The following NKAIN3 variants were observed in gnomAD, a reference collection of about 807,000 sequenced individuals.
The protein encoded by NKAIN3 is sodium/potassium-transporting ATPase subunit beta-1-interacting protein 3.
NKAIN3 carries 25 observed loss-of-function variants against 30.2 expected under a neutral mutation model. The ratio of observed to expected loss-of-function variants is 0.83; its 90% CI spans 0.60 to 1.16. The LOEUF (loss-of-function observed/expected upper bound fraction) is 1.16, where lower values mean the gene tolerates loss of function less well. Among genes scored for constraint, NKAIN3 ranks in the 50% most tolerant of loss-of-function variants. NKAIN3 has a pLI of 0.00. For missense variants in NKAIN3, 225 were observed against 254.1 expected (o/e 0.89, Z 0.78); for synonymous variants, 91 against 89.6 (o/e 1.02, Z -0.09).
At chr8:62,415,876 G>C (rs979747626) in intron 1 of NKAIN3, among the ~76,000 whole-genome samples, 1 of 151,926 alleles carries the variant, frequency 6.6e-6, no homozygotes, top group Non-Finnish European at 1.5e-5. Context: ...TCCTGCCTCA[G>C]CCTCCCGAGT....
chr8:62,884,356 T>C (rs1410934590), intron 4 of NKAIN3, among the ~76,000 whole-genome samples: 1 of 152,108 alleles, frequency 6.6e-6, no homozygotes, highest in Non-Finnish European at 1.5e-5. Flanking sequence ...TCTCCCGGGT[T>C]CAAGATATTC....
intron 3 of NKAIN3, among the ~76,000 whole-genome samples, chr8:62,742,595 TAA>T (rs1815939353): frequency 6.6e-6 from 1 of 152,206 alleles, no homozygotes; most frequent in African/African-American, 2.4e-5. Context: ...TTTTTAACTC[TAA>T]AGACAAAAGC....
intron 4 of NKAIN3, among the ~76,000 whole-genome samples, 157 bp from the exon 5 acceptor site, chr8:62,918,296 G>A (rs975786441): frequency 2.6e-4 from 39 of 152,102 alleles, no homozygotes. Flanking sequence ...AAATGAAAAG[G>A]CTCTTTTAAA....
At chr8:62,996,149 G>A (rs1023750874) in intron 5 of NKAIN3, among the ~76,000 whole-genome samples, 1 of 152,170 alleles carries the variant, frequency 6.6e-6, no homozygotes, top group Non-Finnish European at 1.5e-5. Flanking sequence ...ACCTGAAACT[G>A]GGTAATTTAT....
At chr8:62,764,472 G>GT (rs1281876508) in intron 4 of NKAIN3, among the ~76,000 whole-genome samples, 1 of 100,902 alleles carries the variant, frequency 9.9e-6, no homozygotes, top group South Asian at 3.1e-4. Flanking sequence ...ATACAAATAA[G>GT]TATTTTTTTT....
chr8:62,918,879 T>G (rs1483659692), intron 5 of NKAIN3, among the ~76,000 whole-genome samples: 1 of 151,836 alleles, frequency 6.6e-6, no homozygotes, highest in Non-Finnish European at 1.5e-5. Flanking sequence ...GAAGTCTGAG[T>G]AACAGTAATG....
chr8:62,923,411 A>C (rs553444067), intron 5 of NKAIN3, among the ~76,000 whole-genome samples: 19 of 152,318 alleles, frequency 1.2e-4, no homozygotes, highest in Non-Finnish European at 2.2e-4. Context: ...TTACAAAGTC[A>C]TTTTTAAAAC....
intron 1 of NKAIN3, among the ~76,000 whole-genome samples, chr8:62,275,384 C>A (rs1812915028): frequency 6.6e-6 from 1 of 152,086 alleles, no homozygotes; most frequent in Non-Finnish European, 1.5e-5. Context: ...GTTAAATTTC[C>A]TTTTAAGGTA....
At chr8:62,682,629 G>A (rs992724191) in intron 3 of NKAIN3, among the ~76,000 whole-genome samples, 3 of 152,158 alleles carry the variant, frequency 2.0e-5, no homozygotes, top group Admixed American at 6.5e-5. Context: ...TGCTTTTGAG[G>A]TGGAGGGTGG....
chr8:62,281,394 T>A (rs191531379), intron 1 of NKAIN3, among the ~76,000 whole-genome samples: 1 of 152,320 alleles, frequency 6.6e-6, no homozygotes, highest in East Asian at 1.9e-4. Context: ...GCTCTGATCT[T>A]AGTTATTTCT....
In NKAIN3 at chr8:62,388,032, A is replaced by G. The variant is rs185525923; in HGVS notation, c.54+138905A>G. The stretch of plus-strand genomic sequence containing the variant: ...TGGGTAAATTTCACTCATATGCCTT[A>G]CTATGTAATGACATTGTGGAGTGTA... On this transcript the variant is annotated intron_variant, in intron 1 of 6. Coordinates refer to ENST00000623646, the MANE Select transcript of NKAIN3 (RefSeq NM_001304533.3). 1.3e-3 allele frequency among the ~76,000 whole-genome samples: 205 copies of G among 152,322 alleles called. 1 individual carries two copies. The highest frequency in any genetic ancestry group is 4.6e-3 in the African/African-American group (193 of 41,582).
At chr8:62,758,996 T>C (rs947382031) in intron 4 of NKAIN3, among the ~76,000 whole-genome samples, 3 of 152,180 alleles carry the variant, frequency 2.0e-5, no homozygotes, top group South Asian at 4.1e-4. Context: ...AAATGGTTCC[T>C]CAAACCCTAA....
At chr8:62,831,882 A>G (rs1170396824) in intron 4 of NKAIN3, among the ~76,000 whole-genome samples, 1 of 152,182 alleles carries the variant, frequency 6.6e-6, no homozygotes, top group African/African-American at 2.4e-5. Flanking sequence ...GTGAGATGTT[A>G]TACAAAGCAA....
chr8:62,753,894 T>C (rs1348420301), intron 4 of NKAIN3, among the ~76,000 whole-genome samples: 1 of 152,144 alleles, frequency 6.6e-6, no homozygotes, highest in African/African-American at 2.4e-5. Context: ...TAACAATTTA[T>C]AGTACATCAA....
intron 1 of NKAIN3, among the ~76,000 whole-genome samples, chr8:62,346,986 G>A (rs2129591485): frequency 6.6e-6 from 1 of 152,164 alleles, no homozygotes; most frequent in South Asian, 2.1e-4. Context: ...GAGAACTGAG[G>A]ACATTTAGAA....
At chr8:62,832,754 A>G (rs1205024975) in intron 4 of NKAIN3, among the ~76,000 whole-genome samples, 5 of 152,084 alleles carry the variant, frequency 3.3e-5, no homozygotes, top group Non-Finnish European at 7.4e-5. Context: ...AGGGACTTCA[A>G]CACCTCACCA....
At chr8:62,602,322 G>T (rs1277952067) in intron 3 of NKAIN3, among the ~76,000 whole-genome samples, 1 of 152,030 alleles carries the variant, frequency 6.6e-6, no homozygotes, top group South Asian at 2.1e-4. Context: ...ACACTATCCA[G>T]AAATATGTTG....
At chr8:62,369,739 T>A (rs986289382) in intron 1 of NKAIN3, among the ~76,000 whole-genome samples, 3 of 151,896 alleles carry the variant, frequency 2.0e-5, no homozygotes. Context: ...AGGGGGATTA[T>A]TTGAACTCCC....
chr8:62,861,003 C>T lies in NKAIN3; in HGVS notation c.472-57450C>T, dbSNP rs897714137. Reference sequence around the variant, plus strand: ...GCCTAAGACAGCCAAGACAAATAGACTTAACATGCTTGACAACTAATCTAC... The same window carrying T: ...GCCTAAGACAGCCAAGACAAATAGATTTAACATGCTTGACAACTAATCTAC... On this transcript the variant is annotated intron_variant, in intron 4 of 6. Transcript: ENST00000623646. 4.6e-5 allele frequency among the ~76,000 whole-genome samples: 7 copies of T among 152,322 alleles called. No homozygotes were observed. In the South Asian group the frequency reaches 1.2e-3, roughly 27 times the overall value.
Sources: allele counts gnomAD v4.1 joint callset (sites outside exome capture counted in the v4.1 genomes callset), GRCh38; gene constraint gnomAD v4.1.1; transcripts MANE v1.5; gene names NCBI Gene and HGNC (gene_info 2026-07-23, HGNC 2026-07-21).